BANF2: variants seen among roughly 807,000 people sequenced by gnomAD.
BANF2 encodes the protein barrier-to-autointegration factor-like protein.
A neutral mutation model predicts 8.0 loss-of-function variants in BANF2; 4 were observed. The ratio of observed to expected loss-of-function variants is 0.50; its 90% CI spans 0.25 to 1.14. BANF2 has a LOEUF of 1.14. BANF2 is among the 50% of genes most tolerant of loss of function. The pLI is 0.16. For synonymous variants in BANF2, 50 were observed against 40.6 expected, an observed-to-expected ratio of 1.23 and a Z score of -0.88; for missense variants, 96 against 107.5, an observed-to-expected ratio of 0.89 and a Z score of 0.47.
At chr20:17,697,671 C>T (rs896981765), upstream of BANF2, among the ~76,000 whole-genome samples, 29 of 152,138 alleles carry the variant, frequency 1.9e-4, no homozygotes, top group South Asian at 1.2e-3. Context: ...GGTAGGGGAG[C>T]GGGGAAGTGA....
intron 3 of BANF2, among the ~76,000 whole-genome samples, chr20:17,735,125 GAAGAA>G (rs1180282599): frequency 6.6e-6 from 1 of 151,726 alleles, no homozygotes; most frequent in Non-Finnish European, 1.5e-5. Context: ...AAAGAAAAGA[GAAGAA>G]AAGAAAAGAA....
chr20:17,703,740 C>CTTTTTTTTTT (rs373982840), intron 1 of BANF2, among the ~76,000 whole-genome samples: 1 of 122,600 alleles, frequency 8.2e-6, no homozygotes, highest in Non-Finnish European at 1.7e-5. Flanking sequence ...AGTAGGCTGA[C>CTTTTTTTTTT]TTTTTTTTTT....
At chr20:17,729,206 T>C (rs1391205454) in intron 3 of BANF2, among the ~76,000 whole-genome samples, 1 of 152,118 alleles carries the variant, frequency 6.6e-6, no homozygotes, top group Non-Finnish European at 1.5e-5. Flanking sequence ...TCTAGCTCTG[T>C]CTTGTCTTCT....
At chr20:17,728,208 G>A (rs2037838224) in intron 3 of BANF2, among the ~76,000 whole-genome samples, 3 of 152,148 alleles carry the variant, frequency 2.0e-5, no homozygotes, top group Non-Finnish European at 4.4e-5. Context: ...TGTGCACAAA[G>A]CCACCTTGGG....
intron 1 of BANF2, among the ~76,000 whole-genome samples, chr20:17,718,014 T>C (rs2037680372): frequency 6.6e-6 from 1 of 152,248 alleles, no homozygotes; most frequent in African/African-American, 2.4e-5. Flanking sequence ...AGGTACCATT[T>C]GATTTCATAA....
Position 17,716,841 on chromosome 20 carries a change from CAAAAAA to C in BANF2, c.-166-5860_-166-5855del, listed in dbSNP as rs36007590. ...TGAGTGACAGAGCAAGACTCCATCT[CAAAAAA>C]AAAAAAAAAAAAAAGAAAGAAAGGA... On this transcript the variant is annotated intron_variant, in intron 1 of 3. Transcript: ENST00000246090. Among the ~76,000 whole-genome samples the C allele has an allele frequency of 5.6e-5, 5 of 89,908 alleles. No homozygotes were observed. In the Admixed American group the frequency reaches 7.1e-4, roughly 13 times the overall value. 59.0% of individuals were successfully genotyped at this position (89,908 alleles called of 152,430 possible). A position where few individuals can be genotyped will look rare whatever the true frequency, so the allele number is the denominator to read the frequency against.
At position 17,722,949 on chromosome 20, in the gene BANF2, T is replaced by G. The variant is rs961370029; in HGVS notation, c.-4+71T>G. On this transcript the variant is annotated intron_variant, in intron 2 of 3. Transcript: ENST00000246090. ...GGAGGCGTTGGATGCACCTGATCAT[T>G]TACGTCATCGAATGCTTACCATGTC... The G allele has an allele frequency of 5.6e-6, 5 of 899,016 alleles. No individual in the cohort carries two copies. The African/African-American group carries it at 9.1e-5, about 16-fold the overall frequency. The allele number at this position is 899,016 out of a possible 1,614,324, so 55.7% of individuals were successfully genotyped here.
chr20:17,701,561 C>A (rs575072901), intron 1 of BANF2, among the ~76,000 whole-genome samples: 1 of 152,262 alleles, frequency 6.6e-6, no homozygotes, highest in African/African-American at 2.4e-5. Flanking sequence ...TGGAAGGGAA[C>A]GGGATTCTTG....
At chr20:17,703,673 A>G (rs2037441109) in intron 1 of BANF2, among the ~76,000 whole-genome samples, 1 of 152,012 alleles carries the variant, frequency 6.6e-6, no homozygotes, top group South Asian at 2.1e-4. Context: ...GGGCTCTCCA[A>G]GAAACATCTC....
chr20:17,696,473 C>T (rs1167117293), upstream of BANF2, among the ~76,000 whole-genome samples: 4 of 152,148 alleles, frequency 2.6e-5, no homozygotes, highest in African/African-American at 9.7e-5. Context: ...TTTGTCAACA[C>T]TTAGTATTGT....
At chr20:17,717,434 G>A (rs550441199) in intron 1 of BANF2, among the ~76,000 whole-genome samples, 1 of 152,124 alleles carries the variant, frequency 6.6e-6, no homozygotes, top group Non-Finnish European at 1.5e-5. Flanking sequence ...GGATGTCAGT[G>A]CTTTGAATAT....
chr20:17,710,803 T>A (rs2037558580), intron 1 of BANF2, among the ~76,000 whole-genome samples: 1 of 152,126 alleles, frequency 6.6e-6, no homozygotes. Flanking sequence ...CTGGCCGGCC[T>A]AACGGCGGCT....
At chr20:17,707,781 T>C (rs2122582797) in intron 1 of BANF2, among the ~76,000 whole-genome samples, 1 of 151,590 alleles carries the variant, frequency 6.6e-6, no homozygotes, top group East Asian at 2.0e-4. Flanking sequence ...AGTTTCACCA[T>C]GTTACTCAGG....
At chr20:17,708,074 A>G (rs966561161) in intron 1 of BANF2, among the ~76,000 whole-genome samples, 1 of 151,368 alleles carries the variant, frequency 6.6e-6, no homozygotes, top group Non-Finnish European at 1.5e-5. Flanking sequence ...AAAACCAAAA[A>G]GAATTAGCCA....
At chr20:17,717,244 A>AACAACCCTG (rs2037668225) in intron 1 of BANF2, among the ~76,000 whole-genome samples, 2 of 152,056 alleles carry the variant, frequency 1.3e-5, no homozygotes. Flanking sequence ...GCATCCAAGG[A>AACAACCCTG]ACAACCCTGG....
At chr20:17,720,327 C>A (rs1200553886) in intron 1 of BANF2, among the ~76,000 whole-genome samples, 1 of 152,216 alleles carries the variant, frequency 6.6e-6, no homozygotes, top group Non-Finnish European at 1.5e-5. Context: ...AAGGTGGGAG[C>A]ATCCCAAACG....
intron 3 of BANF2, 120 bp from the exon 4 acceptor site, chr20:17,735,545 C>G: frequency 8.4e-7 from 1 of 1,194,760 alleles, no homozygotes; most frequent in Non-Finnish European, 1.2e-6. Context: ...TCCCTTGAAT[C>G]GGCCCTGCTC....
At chr20:17,714,197 CAAAA>C (rs11375517) in intron 1 of BANF2, among the ~76,000 whole-genome samples, 1 of 75,314 alleles carries the variant, frequency 1.3e-5, no homozygotes, top group Non-Finnish European at 2.5e-5. Context: ...GAGACTCTGT[CAAAA>C]AAAAAAAAAA....
intron 1 of BANF2, among the ~76,000 whole-genome samples, chr20:17,719,760 A>G (rs538141595): frequency 6.6e-6 from 1 of 151,122 alleles, no homozygotes; most frequent in Non-Finnish European, 1.5e-5. Flanking sequence ...CTTCAAAGCC[A>G]TTGGGGTCAT....
Sources: allele counts gnomAD v4.1 joint callset (sites outside exome capture counted in the v4.1 genomes callset), GRCh38; gene constraint gnomAD v4.1.1; transcripts MANE v1.5; gene names NCBI Gene and HGNC (gene_info 2026-07-23, HGNC 2026-07-21).